The following RUFY3 variants were observed in gnomAD, a reference collection of about 807,000 sequenced individuals.
The protein encoded by RUFY3 is protein RUFY3.
Under a neutral mutation model 84.0 loss-of-function variants are expected in RUFY3, and 34 were observed. The observed-to-expected ratio is 0.40, with a 90% CI of 0.31 to 0.54. RUFY3 has a LOEUF of 0.54. Among genes scored for constraint, RUFY3 ranks in the 20% least tolerant of loss-of-function variants. RUFY3 has a pLI of 0.39. For missense variants in RUFY3, 507 were observed against 736.8 expected, an observed-to-expected ratio of 0.69 and a Z score of 3.61; for synonymous variants, 242 against 252.9, an observed-to-expected ratio of 0.96 and a Z score of 0.41.
chr4:70,769,585 A>G (rs775199009), intron 5 of RUFY3, among the ~76,000 whole-genome samples: 34 of 152,196 alleles, frequency 2.2e-4, no homozygotes, highest in Admixed American at 1.3e-4. Context: ...ATTTCTTAAA[A>G]TAAGACAACA....
chr4:70,712,305 T>G (rs1741083907), intron 1 of RUFY3, among the ~76,000 whole-genome samples: 1 of 152,202 alleles, frequency 6.6e-6, no homozygotes, highest in African/African-American at 2.4e-5. Context: ...ACTTAGCACT[T>G]TTTTGAACTG....
intron 5 of RUFY3, among the ~76,000 whole-genome samples, chr4:70,769,826 G>GT (rs1246679475): frequency 6.6e-6 from 1 of 151,780 alleles, no homozygotes; most frequent in Non-Finnish European, 1.5e-5. Context: ...TTTTGTTTTT[G>GT]TTTTTTGTTT....
At chr4:70,781,815 A>G (rs1728972789) in intron 8 of RUFY3, among the ~76,000 whole-genome samples, 1 of 152,232 alleles carries the variant, frequency 6.6e-6, no homozygotes, top group African/African-American at 2.4e-5. Flanking sequence ...TGAGGAGACT[A>G]GCCTGGCTGA....
At chr4:70,729,255 G>C (rs1216716679) in intron 1 of RUFY3, among the ~76,000 whole-genome samples, 3 of 151,938 alleles carry the variant, frequency 2.0e-5, no homozygotes, top group Non-Finnish European at 4.4e-5. Context: ...CTTCATGCTT[G>C]AGTTTTTTTG....
intron 12 of RUFY3, chr4:70,793,401 A>C (rs1222767963): frequency 9.4e-7 from 1 of 1,061,668 alleles, no homozygotes; most frequent in Non-Finnish European, 1.1e-6. Flanking sequence ...ATTAAGTACC[A>C]AACCTATTAG....
exon 1 of RUFY3, chr4:70,705,178 C>A: frequency 1.4e-6 from 2 of 1,461,888 alleles, no homozygotes; most frequent in East Asian, 3.0e-5. Flanking sequence ...GGAGTGCGCC[C>A]GCCGCCGCAG....
chr4:70,772,153 A>G (rs975972452), intron 5 of RUFY3, among the ~76,000 whole-genome samples: 2 of 150,682 alleles, frequency 1.3e-5, no homozygotes, highest in South Asian at 4.2e-4. Context: ...TTGTGTATAT[A>G]TATAGTATAT....
At chr4:70,741,762 G>A in intron 1 of RUFY3, 2 of 1,071,592 alleles carry the variant, frequency 1.9e-6, no homozygotes, top group South Asian at 3.7e-5. Flanking sequence ...TTTTCCGTAA[G>A]AGGAAATGTC....
chr4:70,788,330 C>T (rs1363083575), intron 10 of RUFY3, among the ~76,000 whole-genome samples: 2 of 151,802 alleles, frequency 1.3e-5, no homozygotes, highest in Admixed American at 1.3e-4. Flanking sequence ...TACTAGTCAT[C>T]ATCCTCAGTA....
intron 1 of RUFY3, among the ~76,000 whole-genome samples, chr4:70,744,846 G>T (rs866324690): frequency 6.6e-6 from 1 of 151,686 alleles, no homozygotes; most frequent in African/African-American, 2.4e-5. Context: ...GTAGAGACAG[G>T]GTCTCACCAT....
intron 5 of RUFY3, among the ~76,000 whole-genome samples, chr4:70,769,027 A>G (rs1213672842): frequency 6.6e-6 from 1 of 152,174 alleles, no homozygotes; most frequent in African/African-American, 2.4e-5. Flanking sequence ...AGCAAGTCAC[A>G]TGCATTTTTT....
chr4:70,775,952 A>AAAAAAACAAAAAT, intron 7 of RUFY3, among the ~76,000 whole-genome samples: 1 of 151,548 alleles, frequency 6.6e-6, no homozygotes, highest in African/African-American at 2.4e-5. Flanking sequence ...AACAAAAAAA[A>AAAAAAACAAAAAT]AAAAACGAAA....
At chr4:70,739,019 T>A (rs1251143165) in intron 1 of RUFY3, among the ~76,000 whole-genome samples, 4 of 151,802 alleles carry the variant, frequency 2.6e-5, no homozygotes, top group Non-Finnish European at 1.5e-5. Context: ...CCAGCCTCAG[T>A]AAAATTAAAA....
Position 70,807,152 on chromosome 4 carries a change from C to A in RUFY3, c.*493C>A, listed in dbSNP as rs1215174263. ...TTTCCTCTTCACCCCTGCTAACTAC[C>A]TCTTTAAAGTATTTCTACCAAACTG... is the stretch of plus-strand genomic sequence containing the variant. On this transcript the variant is annotated 3_prime_UTR_variant, in exon 18 of 18. Transcript: ENST00000381006. The A allele has an allele frequency of 6.6e-6, 1 of 152,192 alleles. No homozygotes were observed. Among genetic ancestry groups the A allele is most frequent in the African/African-American group, 2.4e-5 (1 of 41,426 alleles). 9.4% of individuals were successfully genotyped at this position (152,192 alleles called of 1,614,324 possible).
chr4:70,770,339 G>T (rs1180601715), intron 5 of RUFY3, among the ~76,000 whole-genome samples: 1 of 152,206 alleles, frequency 6.6e-6, no homozygotes, highest in Non-Finnish European at 1.5e-5. Flanking sequence ...TCTAATAGAA[G>T]GCTGTTTTGA....
intron 13 of RUFY3, among the ~76,000 whole-genome samples, chr4:70,794,169 G>A (rs1731219548): frequency 1.3e-5 from 2 of 152,178 alleles, no homozygotes; most frequent in South Asian, 2.1e-4. Flanking sequence ...ATAATAATAT[G>A]TAATATTTCC....
At chr4:70,787,000 ATC>A (rs1195823475) in intron 10 of RUFY3, among the ~76,000 whole-genome samples, 1 of 151,318 alleles carries the variant, frequency 6.6e-6, no homozygotes, top group Non-Finnish European at 1.5e-5. Flanking sequence ...GGGACACCCT[ATC>A]TCTACAAAAA....
intron 1 of RUFY3, among the ~76,000 whole-genome samples, chr4:70,707,628 G>C (rs1434334719): frequency 6.6e-6 from 1 of 151,270 alleles, no homozygotes; most frequent in Non-Finnish European, 1.5e-5. Context: ...ATGTGTATGT[G>C]TTCAGAAAAG....
intron 11 of RUFY3, 68 bp downstream of exon 11, chr4:70,789,041 A>G: frequency 6.5e-7 from 1 of 1,548,190 alleles, no homozygotes; most frequent in South Asian, 1.2e-5. Context: ...CTCCCATCTG[A>G]TCCTCCAGAA....
Sources: gnomAD v4.1 joint callset for allele counts (sites outside exome capture counted in the v4.1 genomes callset) on GRCh38, gnomAD v4.1.1 for gene constraint, MANE v1.5 for transcripts, NCBI Gene and HGNC (gene_info 2026-07-23, HGNC 2026-07-21) for gene names.